The following BIRC6 variants were observed in gnomAD, a reference collection of about 807,000 sequenced individuals.
BIRC6 encodes the protein dual E2 ubiquitin-conjugating enzyme/E3 ubiquitin-protein ligase BIRC6.
Under a neutral mutation model 503.3 loss-of-function variants are expected in BIRC6, and 98 were observed. That is an observed-to-expected ratio of 0.19 (90% CI 0.17 to 0.23). The LOEUF (loss-of-function observed/expected upper bound fraction) is 0.23, where lower values mean the gene tolerates loss of function less well. BIRC6 is among the 10% of genes least tolerant of loss of function. The probability of loss-of-function intolerance (pLI) is 1.00; values close to 1 mark genes in which losing one functional copy is unlikely to be tolerated. For missense variants in BIRC6, 5,360 were observed against 5,806.0 expected, an observed-to-expected ratio of 0.92 and a Z score of 2.50; for synonymous variants, 2,240 against 2,078.7, an observed-to-expected ratio of 1.08 and a Z score of -2.11.
chr2:32,542,210 T>C (rs1432842802), intron 61 of BIRC6, among the ~76,000 whole-genome samples: 1 of 152,092 alleles, frequency 6.6e-6, no homozygotes, highest in Non-Finnish European at 1.5e-5. Flanking sequence ...CCTAGTGATA[T>C]ATGCATATAT....
At chr2:32,518,430 A>T (rs763403639) in intron 56 of BIRC6, 33 bp downstream of exon 56, 1 of 1,576,700 alleles carries the variant, frequency 6.3e-7, no homozygotes, top group African/African-American at 1.4e-5. Context: ...TTGGCTGTGT[A>T]TACATGTATT....
rs57348289 is a variant in BIRC6, at chr2:32,533,885, C to G, written c.12291+2334C>G. Among the ~76,000 whole-genome samples, 699 of 152,250 alleles carry G rather than the reference C, an allele frequency of 4.6e-3. 6 individuals carry two copies. The highest frequency in any genetic ancestry group is 0.016 in the African/African-American group (676 of 41,536). On this transcript the variant is annotated intron_variant, in intron 61 of 73. Coordinates refer to ENST00000421745, the MANE Select transcript of BIRC6 (RefSeq NM_016252.4). ...TTTTAAAATAATAAATTGTGCTGTT[C>G]TGAGCCACTGAGTTTGTGGCAATGT...
In BIRC6 at chr2:32,471,084, T is replaced by C; in HGVS notation, c.6552T>C (p.Thr2184=). ...CCAGGTTGCTGGATTATGTGGCAAC[T>C]GTTGAAGATGAAGCAGCAGCTGCAA... ...LVSRLLDYVA[T]VEDEAAAAKK... The change falls in exon 32 of 74, where the codon ACT becomes ACC. Residue 2184 remains threonine, a synonymous_variant. Transcript: ENST00000421745. 1 of 1,582,094 alleles carries C rather than the reference T, an allele frequency of 6.3e-7. No individual in the cohort carries two copies. Among genetic ancestry groups the C allele is most frequent in the Non-Finnish European group, 8.6e-7 (1 of 1,162,072 alleles).
rs374953771 is a variant in BIRC6 at position 32,389,396 on chromosome 2, G to C, written c.839+453G>C. ...TATAATGAAAAAAAAAAAAAGACCA[G>C]TTTAAAAAATAATAGGAATAATTTT... On this transcript the variant is annotated intron_variant, in intron 4 of 73. Transcript: ENST00000421745. Among the ~76,000 whole-genome samples, 603 of 150,494 alleles carry C rather than the reference G, an allele frequency of 4.0e-3. 9 individuals are homozygous for C. Among genetic ancestry groups the C allele is most frequent in the South Asian group, 0.017 (79 of 4,784 alleles).
intron 66 of BIRC6, among the ~76,000 whole-genome samples, chr2:32,592,575 A>G (rs984317358): frequency 6.6e-6 from 1 of 151,620 alleles, no homozygotes; most frequent in African/African-American, 2.4e-5. Context: ...TAGATGACAT[A>G]GTATTATTTG....
intron 68 of BIRC6, among the ~76,000 whole-genome samples, chr2:32,596,808 A>C (rs1290213004): frequency 1.3e-5 from 2 of 152,176 alleles, no homozygotes; most frequent in Non-Finnish European, 2.9e-5. Context: ...TCATATCTAC[A>C]AATTCTTTAA....
intron 30 of BIRC6, 74 bp from the exon 31 acceptor site, chr2:32,470,094 T>C (rs2048957761): frequency 8.3e-7 from 1 of 1,204,516 alleles, no homozygotes; most frequent in African/African-American, 1.6e-5. Flanking sequence ...GTTAAATTTC[T>C]ATGTAAATTA....
At chr2:32,378,438 ACT>A (rs927749506) in intron 2 of BIRC6, among the ~76,000 whole-genome samples, 17 of 151,126 alleles carry the variant, frequency 1.1e-4, no homozygotes, top group African/African-American at 3.2e-4. Flanking sequence ...AGAGGAATAG[ACT>A]CTGGTAAAAC....
rs1408535217 is a variant in BIRC6, at chr2:32,469,426, A to G, written c.6159A>G (p.Thr2053=). The G allele has an allele frequency of 1.2e-6, 2 of 1,613,794 alleles. No individual in the cohort carries two copies. Among genetic ancestry groups the G allele is most frequent in the Non-Finnish European group, 1.7e-6 (2 of 1,179,782 alleles). Residue 2053 remains threonine, a synonymous_variant, in exon 30 of 74, where the codon ACA becomes ACG. Coordinates refer to ENST00000421745, the MANE Select transcript of BIRC6 (RefSeq NM_016252.4). ...CTGTTCCTGCAGTTTTGCAGAGCAC[A>G]TTTCATGCCCAGGCCTGTGAAGAGC... is the stretch of plus-strand genomic sequence containing the variant. ...GHSVPAVLQS[T]FHAQACEELF... is the part of the protein sequence containing the mutation.
At position 32,439,668 on chromosome 2, in the gene BIRC6, T is replaced by C; in HGVS notation, c.3792T>C (p.Ala1264=). 1 of 1,613,642 alleles carries C rather than the reference T, an allele frequency of 6.2e-7. No homozygotes were observed. The highest frequency in any genetic ancestry group is 8.5e-7 in the Non-Finnish European group (1 of 1,179,754). Reference sequence around the variant, plus strand: ...GTTATTCACTTGCTTCACTTTTGGCTAAAGTTGCAGCAGGCAAGGTATGAA... The same window carrying C: ...GTTATTCACTTGCTTCACTTTTGGCCAAAGTTGCAGCAGGCAAGGTATGAA... ...NKGYSLASLL[A]KVAAGKEKSS... Residue 1264 remains alanine, a synonymous_variant, in exon 16 of 74, where the codon GCT becomes GCC. Coordinates refer to ENST00000421745, the MANE Select transcript of BIRC6 (RefSeq NM_016252.4).
At chr2:32,397,290 G>A (rs1335445551) in intron 6 of BIRC6, among the ~76,000 whole-genome samples, 1 of 151,662 alleles carries the variant, frequency 6.6e-6, no homozygotes, top group African/African-American at 2.4e-5. Flanking sequence ...GGCTAACATG[G>A]TGAAACCCCG....
rs73922722 is a variant in BIRC6 at position 32,362,823 on chromosome 2, A to C, written c.325+5337A>C. On this transcript the variant is annotated intron_variant, in intron 1 of 73. Transcript: ENST00000421745. ...TTTTTTTAAATTCATCCCATTACAC[A>C]GAATTATTTTAATTTTTAAACACCT... Among the ~76,000 whole-genome samples, 994 of 152,214 alleles carry C rather than the reference A, an allele frequency of 6.5e-3. 11 individuals are homozygous for C. Among genetic ancestry groups the C allele is most frequent in the African/African-American group, 0.023 (945 of 41,534 alleles).
chr2:32,425,485 A>T, intron 10 of BIRC6, among the ~76,000 whole-genome samples: 3 of 114,000 alleles, frequency 2.6e-5, no homozygotes, highest in Middle Eastern at 5.0e-3. Context: ...TGTTTCTTTG[A>T]GTGCTTTGTA....
intron 10 of BIRC6, among the ~76,000 whole-genome samples, chr2:32,418,037 C>T (rs2042568955): frequency 6.6e-6 from 1 of 152,152 alleles, no homozygotes; most frequent in South Asian, 2.1e-4. Flanking sequence ...GCCTTGGCCT[C>T]CCAAAGTGTT....
intron 66 of BIRC6, among the ~76,000 whole-genome samples, chr2:32,588,423 T>A (rs902838804): frequency 6.6e-6 from 1 of 152,200 alleles, no homozygotes; most frequent in Non-Finnish European, 1.5e-5. Context: ...TTCTACTGTC[T>A]TTTCAAGATG....
At chr2:32,411,211 T>C (rs897401159) in intron 9 of BIRC6, among the ~76,000 whole-genome samples, 3 of 151,496 alleles carry the variant, frequency 2.0e-5, no homozygotes, top group African/African-American at 7.3e-5. Context: ...GCTAATTTTG[T>C]ATTTTTAGTA....
In BIRC6 at chr2:32,603,091, A is replaced by C; in HGVS notation, c.14070+8A>C. 1 of 1,604,550 alleles carries C rather than the reference A, an allele frequency of 6.2e-7. No individual in the cohort carries two copies. The highest frequency in any genetic ancestry group is 1.1e-5 in the South Asian group (1 of 88,872). On this transcript the variant is annotated splice_region_variant and intron_variant, in intron 71 of 73. Coordinates refer to ENST00000421745, the MANE Select transcript of BIRC6 (RefSeq NM_016252.4). Reference sequence around the variant, plus strand: ...ACCTCAAGCTTTTTGCAAGTAAACAAAATTTCTCTGACATTTTCACTTAAG... The same window carrying C: ...ACCTCAAGCTTTTTGCAAGTAAACACAATTTCTCTGACATTTTCACTTAAG...
At chr2:32,480,599 A>G (rs954731056) in intron 37 of BIRC6, among the ~76,000 whole-genome samples, 4 of 146,420 alleles carry the variant, frequency 2.7e-5, no homozygotes, top group African/African-American at 1.0e-4. Context: ...TCTAATTCAT[A>G]ACAGAAAAAT....
At chr2:32,438,781 C>T (rs1197324426) in intron 15 of BIRC6, among the ~76,000 whole-genome samples, 2 of 151,922 alleles carry the variant, frequency 1.3e-5, no homozygotes, top group Non-Finnish European at 2.9e-5. Flanking sequence ...AGGATGGTCT[C>T]GATCTCCTGA....
Sources: allele counts gnomAD v4.1 joint callset (sites outside exome capture counted in the v4.1 genomes callset), GRCh38; gene constraint gnomAD v4.1.1; transcripts MANE v1.5; gene names NCBI Gene and HGNC (gene_info 2026-07-23, HGNC 2026-07-21).